TMEM132C: variants seen among roughly 807,000 people sequenced by gnomAD.
TMEM132C encodes the protein protein phosphatase 1, regulatory subunit 152.
Under a neutral mutation model 61.4 loss-of-function variants are expected in TMEM132C, and 29 were observed. That is an observed-to-expected ratio of 0.47 (90% CI 0.35 to 0.64). The LOEUF (loss-of-function observed/expected upper bound fraction) is 0.64. TMEM132C is among the 30% of genes least tolerant of loss of function. TMEM132C has a pLI of 0.00. For synonymous variants in TMEM132C, 656 were observed against 633.1 expected (o/e 1.04, Z -0.54); for missense variants, 1,408 against 1,476.9 (o/e 0.95, Z 0.76).
At chr12:128,679,732 G>A (rs117058085) in intron 5 of TMEM132C, among the ~76,000 whole-genome samples, 122 of 152,248 alleles carry the variant, frequency 8.0e-4, no homozygotes, top group Non-Finnish European at 1.4e-3. Context: ...AACCAACTGC[G>A]CCAGAACCCC....
chr12:128,349,544 A>G (rs967058983), intron 1 of TMEM132C, among the ~76,000 whole-genome samples: 8 of 152,148 alleles, frequency 5.3e-5, no homozygotes, highest in Non-Finnish European at 8.8e-5. Flanking sequence ...CTAAAATTCT[A>G]TGAATATTCA....
At chr12:128,563,549 C>T (rs1874594163) in intron 3 of TMEM132C, among the ~76,000 whole-genome samples, 1 of 152,168 alleles carries the variant, frequency 6.6e-6, no homozygotes, top group Non-Finnish European at 1.5e-5. Context: ...ATGATACAAT[C>T]ATCTAATGTC....
chr12:128,403,691 G>A (rs1482166830), intron 1 of TMEM132C, among the ~76,000 whole-genome samples: 1 of 142,854 alleles, frequency 7.0e-6, no homozygotes, highest in African/African-American at 2.5e-5. Context: ...AAGAGTTTAA[G>A]GTATTTTCCA....
chr12:128,431,038 G>A (rs922341428), intron 2 of TMEM132C, among the ~76,000 whole-genome samples: 1 of 152,226 alleles, frequency 6.6e-6, no homozygotes, highest in African/African-American at 2.4e-5. Context: ...AGGAAGGCAT[G>A]TGGAAAGTGG....
intron 1 of TMEM132C, among the ~76,000 whole-genome samples, chr12:128,338,774 A>ATATATATATATATATATATATT (rs1872866541): frequency 1.3e-5 from 2 of 149,176 alleles, no homozygotes; most frequent in African/African-American, 5.1e-5. Context: ...ATATATATAT[A>ATATATATATATATATATATATT]TATTTTGCAC....
intron 5 of TMEM132C, among the ~76,000 whole-genome samples, chr12:128,683,999 T>TAAAC (rs1318078363): frequency 6.9e-6 from 1 of 144,944 alleles, no homozygotes; most frequent in African/African-American, 2.7e-5. Flanking sequence ...AATAAATAAA[T>TAAAC]AAATAAATAA....
chr12:128,620,439 G>C (rs1002583201), intron 4 of TMEM132C, among the ~76,000 whole-genome samples: 2 of 152,042 alleles, frequency 1.3e-5, no homozygotes, highest in African/African-American at 4.8e-5. Context: ...GTGATCAGAC[G>C]CTGCTGTCAC....
chr12:128,556,415 A>G (rs1874331309), intron 3 of TMEM132C, among the ~76,000 whole-genome samples: 2 of 152,172 alleles, frequency 1.3e-5, no homozygotes, highest in Admixed American at 6.5e-5. Flanking sequence ...GTTTGTCCAC[A>G]CCATCACCCA....
intron 2 of TMEM132C, among the ~76,000 whole-genome samples, chr12:128,475,863 C>A (rs1186212310): frequency 1.3e-5 from 2 of 152,116 alleles, no homozygotes; most frequent in Non-Finnish European, 2.9e-5. Flanking sequence ...AAGCTGACGC[C>A]CTGCCTGCCC....
At chr12:128,506,296 G>A (rs1872356826) in intron 2 of TMEM132C, among the ~76,000 whole-genome samples, 1 of 152,184 alleles carries the variant, frequency 6.6e-6, no homozygotes, top group South Asian at 2.1e-4. Flanking sequence ...TTTCCAGTGA[G>A]CATCTCAAAG....
At chr12:128,512,492 A>G (rs953521716) in intron 2 of TMEM132C, among the ~76,000 whole-genome samples, 3 of 152,228 alleles carry the variant, frequency 2.0e-5, no homozygotes, top group South Asian at 2.1e-4. Context: ...AGCTTCCAGA[A>G]TCTATTTCAC....
chr12:128,294,443 G>A (rs138348550), intron 1 of TMEM132C, among the ~76,000 whole-genome samples: 2 of 152,172 alleles, frequency 1.3e-5, no homozygotes. Flanking sequence ...ATTCTGGAAA[G>A]AGTAGAAAAT....
intron 2 of TMEM132C, among the ~76,000 whole-genome samples, chr12:128,494,097 A>G (rs1871851884): frequency 6.6e-6 from 1 of 152,156 alleles, no homozygotes. Context: ...TTCTGCATCT[A>G]TTGAGATAAT....
chr12:128,344,574 A>G (rs183746708), intron 1 of TMEM132C, among the ~76,000 whole-genome samples: 4 of 152,294 alleles, frequency 2.6e-5, no homozygotes, highest in East Asian at 1.9e-4. Flanking sequence ...TTGCTACACT[A>G]TAGAGCCATA....
intron 2 of TMEM132C, among the ~76,000 whole-genome samples, chr12:128,531,087 A>ACAT (rs893246149): frequency 6.1e-5 from 9 of 146,804 alleles, no homozygotes; most frequent in Admixed American, 1.4e-4. Flanking sequence ...CAGAAGCAAA[A>ACAT]CATTGGTAAT....
chr12:128,487,618 T>TATATATATATATATATACAC (rs1443168994), intron 2 of TMEM132C, among the ~76,000 whole-genome samples: 6 of 149,330 alleles, frequency 4.0e-5, no homozygotes, highest in African/African-American at 1.5e-4. Flanking sequence ...TATATATATA[T>TATATATATATATATATACAC]ATATATATAT....
chr12:128,467,853 G>A (rs1402417727), intron 2 of TMEM132C, among the ~76,000 whole-genome samples: 1 of 152,172 alleles, frequency 6.6e-6, no homozygotes, highest in Non-Finnish European at 1.5e-5. Flanking sequence ...TCATTCAACA[G>A]ACATTTGATG....
At chr12:128,460,926 G>A (rs1870512444) in intron 2 of TMEM132C, among the ~76,000 whole-genome samples, 1 of 152,170 alleles carries the variant, frequency 6.6e-6, no homozygotes, top group South Asian at 2.1e-4. Context: ...GCTACCCAGG[G>A]CTCAGGCCTG....
chr12:128,377,579 G>A (rs1874235528), intron 1 of TMEM132C, among the ~76,000 whole-genome samples: 1 of 152,216 alleles, frequency 6.6e-6, no homozygotes. Flanking sequence ...AAGTATCAGA[G>A]TAGAAGAGAA....
Sources: allele counts gnomAD v4.1 joint callset (sites outside exome capture counted in the v4.1 genomes callset), GRCh38; gene constraint gnomAD v4.1.1; transcripts MANE v1.5; gene names NCBI Gene and HGNC (gene_info 2026-07-23, HGNC 2026-07-21).